The following ASB7 variants were observed in gnomAD, a reference collection of about 807,000 sequenced individuals.
ASB7 encodes ankyrin repeat and SOCS box protein 7.
In ASB7, 4 loss-of-function variants were observed where a neutral mutation model predicts 32.5. The ratio of observed to expected loss-of-function variants is 0.12; its 90% CI spans 0.06 to 0.28. ASB7 has a LOEUF of 0.28. Ranked by LOEUF, ASB7 falls within the 10% of genes least tolerant of loss-of-function variation. The pLI is 1.00. For missense variants in ASB7, 181 were observed against 407.1 expected (o/e 0.44, Z 4.78); for synonymous variants, 172 against 155.6 (o/e 1.11, Z -0.78).
chr15:100,603,154 CTGAGCTCCCCCCTCCCCACCT>C (rs1005494468), intron 1 of ASB7, 40 bp from the exon 2 acceptor site: 11 of 391,712 alleles, frequency 2.8e-5, no homozygotes, highest in Non-Finnish European at 4.9e-5. Flanking sequence ...AGCCCCTTTC[CTGAGCTCCCCCCTCCCCACCT>C]CTGAGACACT....
chr15:100,639,419 T>C (rs568812027), intron 5 of ASB7, among the ~76,000 whole-genome samples: 45 of 152,170 alleles, frequency 3.0e-4, no homozygotes, highest in Middle Eastern at 3.4e-3. Context: ...AAATAAGGAG[T>C]AAGAAAGATC....
chr15:100,613,807 C>G (rs2039717448), intron 4 of ASB7, among the ~76,000 whole-genome samples: 1 of 152,218 alleles, frequency 6.6e-6, no homozygotes, highest in Admixed American at 6.5e-5. Flanking sequence ...AATATTGTCT[C>G]TTTCAAATGA....
chr15:100,634,878 C>G (rs1216912773), intron 5 of ASB7, among the ~76,000 whole-genome samples: 2 of 152,158 alleles, frequency 1.3e-5, no homozygotes, highest in African/African-American at 4.8e-5. Context: ...GGGAAACTTT[C>G]AGTAACACAG....
chr15:100,630,196 A>G, intron 5 of ASB7, 154 bp downstream of exon 5: 3 of 1,356,768 alleles, frequency 2.2e-6, no homozygotes, highest in Non-Finnish European at 2.9e-6. Context: ...AATAAAAAAA[A>G]AACTTTGACT....
At chr15:100,630,813 T>G (rs767580762) in intron 5 of ASB7, among the ~76,000 whole-genome samples, 1 of 152,226 alleles carries the variant, frequency 6.6e-6, no homozygotes, top group Non-Finnish European at 1.5e-5. Flanking sequence ...ACCAGTTGAA[T>G]GTGTGTCTCA....
chr15:100,633,252 A>G (rs1321247839), intron 5 of ASB7, among the ~76,000 whole-genome samples: 1 of 151,036 alleles, frequency 6.6e-6, no homozygotes, highest in Admixed American at 6.6e-5. Context: ...TTAAAGAGAG[A>G]ACAGTGAAGG....
chr15:100,622,769 C>T (rs1307597398), intron 4 of ASB7, among the ~76,000 whole-genome samples: 3 of 152,170 alleles, frequency 2.0e-5, no homozygotes, highest in African/African-American at 7.2e-5. Context: ...CTGTCTCTCA[C>T]CATATGCAAA....
chr15:100,603,927 AGCACTTAG>A (rs2039608101), intron 2 of ASB7, among the ~76,000 whole-genome samples: 1 of 152,220 alleles, frequency 6.6e-6, no homozygotes, highest in African/African-American at 2.4e-5. Context: ...ATTACCCTGA[AGCACTTAG>A]GCATAATTAA....
At chr15:100,646,360 A>C (rs1406314873) in intron 5 of ASB7, 2 of 381,380 alleles carry the variant, frequency 5.2e-6, no homozygotes, top group African/African-American at 2.1e-5. Context: ...CCACTCATCA[A>C]GGACACTTCA....
At chr15:100,604,012 A>C (rs1444305985) in intron 2 of ASB7, among the ~76,000 whole-genome samples, 1 of 152,220 alleles carries the variant, frequency 6.6e-6, no homozygotes, top group African/African-American at 2.4e-5. Context: ...ATAAAGATAC[A>C]ATGTTTCTTA....
At chr15:100,610,349 G>C (rs1187552935) in intron 3 of ASB7, among the ~76,000 whole-genome samples, 1 of 152,114 alleles carries the variant, frequency 6.6e-6, no homozygotes, top group African/African-American at 2.4e-5. Flanking sequence ...AAAAAAATTA[G>C]CCGGGCGTGG....
At chr15:100,645,448 A>G in intron 5 of ASB7, 1 of 435,386 alleles carries the variant, frequency 2.3e-6, no homozygotes, top group Non-Finnish European at 4.3e-6. Flanking sequence ...ATCTGTAGGA[A>G]TACAGTTTAT....
At chr15:100,605,872 T>C (rs1271637697) in intron 2 of ASB7, among the ~76,000 whole-genome samples, 2 of 152,194 alleles carry the variant, frequency 1.3e-5, no homozygotes, top group African/African-American at 4.8e-5. Context: ...TTCATGAAAA[T>C]TATTGGTTTC....
chr15:100,605,859 C>T (rs181136905), intron 2 of ASB7, among the ~76,000 whole-genome samples: 1 of 152,330 alleles, frequency 6.6e-6, no homozygotes, highest in African/African-American at 2.4e-5. Context: ...GCTTCATCCA[C>T]ACTTCATGAA....
intron 4 of ASB7, among the ~76,000 whole-genome samples, chr15:100,614,374 C>T (rs575010341): frequency 6.6e-6 from 1 of 151,918 alleles, no homozygotes; most frequent in African/African-American, 2.4e-5. Flanking sequence ...TATAATTCTA[C>T]AACTGTTGTT....
At chr15:100,638,154 T>C (rs1481822282) in intron 5 of ASB7, among the ~76,000 whole-genome samples, 2 of 152,198 alleles carry the variant, frequency 1.3e-5, no homozygotes, top group Non-Finnish European at 2.9e-5. Context: ...GACCTAGTGA[T>C]ATACATTCCC....
At position 100,648,319 on chromosome 15, in the gene ASB7, T is replaced by C; in HGVS notation, c.818-4T>C. 6.3e-7 allele frequency: 1 copy of C among 1,580,738 alleles called. No individual in the cohort carries two copies. The highest frequency in any genetic ancestry group is 1.4e-5 in the African/African-American group (1 of 72,672). On this transcript the variant is annotated splice_polypyrimidine_tract_variant and splice_region_variant and intron_variant, in intron 5 of 5. Transcript: ENST00000332783. Reference sequence around the variant, plus strand: ...GTAACATTTTCTTTTTTCTGTCTTTTTAGGACAGCCCAGAAACTTGCAGGA... The same window carrying C: ...GTAACATTTTCTTTTTTCTGTCTTTCTAGGACAGCCCAGAAACTTGCAGGA...
chr15:100,617,598 AC>A (rs1338162147), intron 4 of ASB7, among the ~76,000 whole-genome samples: 1 of 152,218 alleles, frequency 6.6e-6, no homozygotes, highest in African/African-American at 2.4e-5. Flanking sequence ...AGACCAGGTT[AC>A]CTAGGATCCT....
intron 4 of ASB7, among the ~76,000 whole-genome samples, chr15:100,628,169 T>C (rs1567115565): frequency 6.6e-6 from 1 of 152,260 alleles, no homozygotes; most frequent in Non-Finnish European, 1.5e-5. Context: ...TAAATGTTTT[T>C]AGAAATCTAC....
Sources: allele counts gnomAD v4.1 joint callset (sites outside exome capture counted in the v4.1 genomes callset), GRCh38; gene constraint gnomAD v4.1.1; transcripts MANE v1.5; gene names NCBI Gene and HGNC (gene_info 2026-07-23, HGNC 2026-07-21).